The following CNTN5 variants were observed in gnomAD, a reference collection of about 807,000 sequenced individuals.
CNTN5 encodes contactin-5.
CNTN5 carries 77 observed loss-of-function variants against 129.1 expected under a neutral mutation model. That is an observed-to-expected ratio of 0.60 (90% CI 0.50 to 0.72). CNTN5 has a LOEUF of 0.72. Ranked by LOEUF, CNTN5 falls within the 30% of genes least tolerant of loss-of-function variation. The pLI is 0.00. For synonymous variants in CNTN5, 509 were observed against 465.6 expected, an observed-to-expected ratio of 1.09 and a Z score of -1.20; for missense variants, 1,478 against 1,328.8, an observed-to-expected ratio of 1.11 and a Z score of -1.75.
intron 4 of CNTN5, among the ~76,000 whole-genome samples, chr11:99,839,712 G>A (rs886089503): frequency 7.9e-5 from 12 of 151,906 alleles, no homozygotes; most frequent in African/African-American, 2.2e-4. Context: ...TTTGGAGCTC[G>A]GGAAACAAAT....
At chr11:99,739,371 G>A (rs912269058) in intron 3 of CNTN5, among the ~76,000 whole-genome samples, 1 of 152,074 alleles carries the variant, frequency 6.6e-6, no homozygotes, top group African/African-American at 2.4e-5. Flanking sequence ...CTTTAAAGAA[G>A]TACATAGTAG....
At chr11:99,162,091 C>CA (rs763976355) in intron 1 of CNTN5, among the ~76,000 whole-genome samples, 10 of 151,634 alleles carry the variant, frequency 6.6e-5, no homozygotes, top group South Asian at 2.1e-4. Flanking sequence ...AATAGAACCT[C>CA]CTTTTTTTTT....
At chr11:99,732,601 G>T (rs1250025802) in intron 3 of CNTN5, among the ~76,000 whole-genome samples, 1 of 152,186 alleles carries the variant, frequency 6.6e-6, no homozygotes, top group East Asian at 1.9e-4. Context: ...GCTAAAGAAG[G>T]ATGCTGGAGA....
At chr11:99,631,710 A>G (rs1279501664) in intron 3 of CNTN5, among the ~76,000 whole-genome samples, 2 of 96,288 alleles carry the variant, frequency 2.1e-5, no homozygotes, top group Non-Finnish European at 5.2e-5. Context: ...GGGAAAACAC[A>G]CACAAAGACA....
intron 1 of CNTN5, among the ~76,000 whole-genome samples, chr11:99,164,002 A>G (rs1295353711): frequency 6.6e-6 from 1 of 152,186 alleles, no homozygotes; most frequent in Non-Finnish European, 1.5e-5. Flanking sequence ...TATCTGATTA[A>G]TATGATTGAT....
chr11:99,538,681 T>C (rs1947988751), intron 2 of CNTN5, among the ~76,000 whole-genome samples: 1 of 152,132 alleles, frequency 6.6e-6, no homozygotes, highest in African/African-American at 2.4e-5. Flanking sequence ...TTTAAACCAC[T>C]GTAACTGTTT....
At chr11:100,334,198 A>T (rs1951975473) in intron 21 of CNTN5, among the ~76,000 whole-genome samples, 1 of 152,238 alleles carries the variant, frequency 6.6e-6, no homozygotes, top group Non-Finnish European at 1.5e-5. Flanking sequence ...ATCACTAATG[A>T]TCAGGGAAAT....
chr11:99,816,786 A>G (rs1946601583), intron 3 of CNTN5, among the ~76,000 whole-genome samples: 1 of 152,096 alleles, frequency 6.6e-6, no homozygotes, highest in Non-Finnish European at 1.5e-5. Context: ...TTGTTTACTT[A>G]TTCAGCCTTA....
intron 9 of CNTN5, among the ~76,000 whole-genome samples, chr11:100,023,852 T>C (rs75583006): frequency 6.6e-6 from 1 of 152,140 alleles, no homozygotes; most frequent in South Asian, 2.1e-4. Flanking sequence ...ATTTTTTTTT[T>C]AATACTTCAT....
chr11:100,173,423 G>T (rs1483757131), intron 13 of CNTN5, among the ~76,000 whole-genome samples: 2 of 152,078 alleles, frequency 1.3e-5, no homozygotes, highest in African/African-American at 4.8e-5. Flanking sequence ...CAACAGACTT[G>T]CCGATTAGCT....
rs146617585 is a variant in CNTN5, at chr11:99,843,896, A to G, written c.278-956A>G. 1.6e-4 allele frequency among the ~76,000 whole-genome samples: 25 copies of G among 152,312 alleles called. No homozygotes were observed. The East Asian group carries it at 4.6e-3, about 28-fold the overall frequency. On this transcript the variant is annotated intron_variant, in intron 4 of 24. Transcript: ENST00000524871. ...CTTTTTCACAAATTCACAATTCACT[A>G]TGCTATAGATCTTAGATACGCACAC...
chr11:100,247,800 A>AG (rs1555049140), intron 16 of CNTN5, among the ~76,000 whole-genome samples: 9 of 151,804 alleles, frequency 5.9e-5, no homozygotes, highest in African/African-American at 9.7e-5. Flanking sequence ...TTATTGAAAT[A>AG]TTTTTTCATG....
At chr11:99,050,489 A>G (rs1173933453) in intron 1 of CNTN5, among the ~76,000 whole-genome samples, 4 of 152,048 alleles carry the variant, frequency 2.6e-5, no homozygotes, top group African/African-American at 9.6e-5. Flanking sequence ...TAAATATTTC[A>G]AATAGAAAAA....
At chr11:100,003,010 G>C (rs537219774) in intron 9 of CNTN5, among the ~76,000 whole-genome samples, 2 of 152,044 alleles carry the variant, frequency 1.3e-5, no homozygotes, top group Non-Finnish European at 2.9e-5. Flanking sequence ...ATACACAAGT[G>C]TGATTATTAA....
intron 6 of CNTN5, among the ~76,000 whole-genome samples, chr11:99,870,526 C>T (rs1197720302): frequency 6.6e-6 from 1 of 152,022 alleles, no homozygotes; most frequent in East Asian, 1.9e-4. Context: ...GACAAGGTCA[C>T]AAATACATCT....
intron 7 of CNTN5, among the ~76,000 whole-genome samples, chr11:99,919,588 G>T (rs950819946): frequency 6.6e-6 from 1 of 151,922 alleles, no homozygotes. Flanking sequence ...CTTTCTAACA[G>T]ATTTATTGAC....
intron 2 of CNTN5, among the ~76,000 whole-genome samples, chr11:99,483,233 T>C (rs1591139198): frequency 7.0e-6 from 1 of 142,670 alleles, no homozygotes; most frequent in Non-Finnish European, 1.5e-5. Context: ...GGAAGTAAAG[T>C]GCACTTGGAA....
intron 3 of CNTN5, among the ~76,000 whole-genome samples, chr11:99,735,154 C>A (rs1236869496): frequency 6.6e-6 from 1 of 152,118 alleles, no homozygotes; most frequent in African/African-American, 2.4e-5. Flanking sequence ...AGATCCTGTC[C>A]TTATGGAGCT....
chr11:100,305,879 C>T (rs566089586), intron 20 of CNTN5, among the ~76,000 whole-genome samples: 25 of 150,438 alleles, frequency 1.7e-4, no homozygotes, highest in African/African-American at 6.1e-4. Context: ...CCCTGGGCCA[C>T]ACTGGAAGAA....
Sources: gnomAD v4.1 joint callset for allele counts (sites outside exome capture counted in the v4.1 genomes callset) on GRCh38, gnomAD v4.1.1 for gene constraint, MANE v1.5 for transcripts, NCBI Gene and HGNC (gene_info 2026-07-23, HGNC 2026-07-21) for gene names.